C7: variants seen among roughly 807,000 people sequenced by gnomAD.
C7 encodes complement C7.
C7 carries 83 observed loss-of-function variants against 104.8 expected under a neutral mutation model. That is an observed-to-expected ratio of 0.79 (90% CI 0.66 to 0.95). C7 has a LOEUF of 0.95. Ranked by LOEUF, C7 falls within the 40% of genes least tolerant of loss-of-function variation. C7 has a pLI of 0.00. For missense variants in C7, 1,070 were observed against 1,011.2 expected, an observed-to-expected ratio of 1.06 and a Z score of -0.79; for synonymous variants, 415 against 360.6, an observed-to-expected ratio of 1.15 and a Z score of -1.71.
intron 9 of C7, among the ~76,000 whole-genome samples, chr5:40,951,134 A>G (rs1012062816): frequency 1.3e-5 from 2 of 152,192 alleles, no homozygotes; most frequent in African/African-American, 2.4e-5. Flanking sequence ...GGACCAAAAA[A>G]TGTTCACTGG....
chr5:40,951,113 A>G (rs1001564224), intron 9 of C7, among the ~76,000 whole-genome samples: 10 of 152,214 alleles, frequency 6.6e-5, no homozygotes, highest in African/African-American at 2.2e-4. Flanking sequence ...AGGTCAACAG[A>G]GTGAAGATAA....
rs182484604 is a variant in C7 at position 40,952,668 on chromosome 5, C to T, written c.1093+2654C>T. Among the ~76,000 whole-genome samples, 387 of 152,020 alleles carry T rather than the reference C, an allele frequency of 2.5e-3. 1 individual carries two copies. The highest frequency in any genetic ancestry group is 5.3e-3 in the African/African-American group (218 of 41,446). ...CCTCTCCCCACCCCACTACAGGCCC[C>T]GGTGTGTGATGTTCCCCTTCCTGTG... On this transcript the variant is annotated intron_variant, in intron 9 of 17. Coordinates refer to ENST00000313164, the MANE Select transcript of C7 (RefSeq NM_000587.4).
intron 8 of C7, 98 bp from the exon 9 acceptor site, chr5:40,949,806 A>C: frequency 1.4e-6 from 1 of 735,466 alleles, no homozygotes; most frequent in Non-Finnish European, 2.4e-6. Flanking sequence ...TTAGATGGCC[A>C]TAGTAGCAGC....
chr5:40,927,298 T>C (rs1177240182), intron 1 of C7, among the ~76,000 whole-genome samples: 1 of 151,892 alleles, frequency 6.6e-6, no homozygotes, highest in African/African-American at 2.4e-5. Context: ...AAAAATTAAT[T>C]GAAAAAAATC....
intron 1 of C7, among the ~76,000 whole-genome samples, chr5:40,916,705 A>AT (rs879430606): frequency 3.2e-4 from 49 of 151,304 alleles, no homozygotes; most frequent in Middle Eastern, 3.4e-3. Flanking sequence ...CCAAATTTTT[A>AT]TTTTTTTTTT....
rs1740269165 is a variant in C7, at chr5:40,955,465, T to C, written c.1172T>C (p.Leu391Pro). The change falls in exon 10 of 18, where the codon CTA becomes CCA. Residue 391 changes from leucine (L) to proline (P), a missense_variant. Leu to Pro is a moderately conservative substitution (Grantham distance 98). Coordinates refer to ENST00000313164, the MANE Select transcript of C7 (RefSeq NM_000587.4). ...GAGFISGLSY[L>P]ELDNPAGNKR... is the part of the protein sequence containing the mutation. ...GGCTTCATATCTGGCCTTAGTTACC[T>C]AGAGCTGGACAATCCTGCTGGAAAC... 2 of 1,613,406 alleles carry C rather than the reference T, an allele frequency of 1.2e-6. No individual in the cohort carries two copies. Among genetic ancestry groups the C allele is most frequent in the African/African-American group, 2.7e-5 (2 of 75,028 alleles).
intron 9 of C7, among the ~76,000 whole-genome samples, chr5:40,953,437 T>G (rs1184045282): frequency 6.6e-6 from 1 of 151,990 alleles, no homozygotes; most frequent in East Asian, 1.9e-4. Context: ...GGTTAAGAGA[T>G]CGAGACCATT....
At position 40,955,386 on chromosome 5, in the gene C7, G is replaced by A; in HGVS notation, c.1094-1G>A. On this transcript the variant is annotated splice_acceptor_variant, in intron 9 of 17. Transcript: ENST00000313164. LOFTEE classifies it high-confidence loss of function. ...CTTTTCATTTGCTTTCTTCTGTATA[G>A]GAACCCAGAACAATGTATTGCGAGG... 1 of 1,596,500 alleles carries A rather than the reference G, an allele frequency of 6.3e-7. No individual in the cohort carries two copies. Among genetic ancestry groups the A allele is most frequent in the Non-Finnish European group, 8.5e-7 (1 of 1,173,846 alleles).
chr5:40,937,415 C>G (rs1408528422), intron 5 of C7, 137 bp from the exon 6 acceptor site: 2 of 755,096 alleles, frequency 2.6e-6, no homozygotes, highest in East Asian at 5.5e-5. Context: ...CATTTGAACT[C>G]TCTCAAAGAA....
chr5:40,950,855 G>T (rs1161871736), intron 9 of C7, among the ~76,000 whole-genome samples: 1 of 152,172 alleles, frequency 6.6e-6, no homozygotes, highest in African/African-American at 2.4e-5. Flanking sequence ...GAGATGGGGG[G>T]AAGGTGGTAT....
At chr5:40,974,565 G>A (rs565261895) in intron 15 of C7, among the ~76,000 whole-genome samples, 2 of 151,900 alleles carry the variant, frequency 1.3e-5, no homozygotes, top group East Asian at 1.9e-4. Context: ...ACAGGTGCTC[G>A]CCACCATGCC....
intron 6 of C7, among the ~76,000 whole-genome samples, chr5:40,943,986 C>T (rs1437576092): frequency 1.3e-5 from 2 of 152,182 alleles, no homozygotes; most frequent in Non-Finnish European, 2.9e-5. Context: ...CATCTTCACA[C>T]TTATACCTGT....
At chr5:40,910,514 C>G (rs1739184841) in intron 1 of C7, among the ~76,000 whole-genome samples, 1 of 151,948 alleles carries the variant, frequency 6.6e-6, no homozygotes. Context: ...GCCATGCCTT[C>G]TGTGAAATTA....
intron 1 of C7, among the ~76,000 whole-genome samples, chr5:40,927,581 T>A (rs1324845893): frequency 6.6e-6 from 1 of 151,390 alleles, no homozygotes. Context: ...ATTGGCAAAA[T>A]ACCAGGAAAG....
At chr5:40,964,034 T>G (rs949992147) in intron 13 of C7, among the ~76,000 whole-genome samples, 6,190 of 127,252 alleles carry the variant, frequency 0.049, 539 homozygotes, top group African/African-American at 0.17. Context: ...TTTTTTTTTT[T>G]TTTTTTTTTT....
chr5:40,910,474 G>C (rs1230862686), intron 1 of C7, among the ~76,000 whole-genome samples: 2 of 152,164 alleles, frequency 1.3e-5, no homozygotes, highest in Non-Finnish European at 2.9e-5. Flanking sequence ...ATTGGGGTTA[G>C]AGGAGGAGCA....
intron 16 of C7, among the ~76,000 whole-genome samples, chr5:40,979,077 G>T (rs1345587444): frequency 6.6e-6 from 1 of 151,492 alleles, no homozygotes; most frequent in Non-Finnish European, 1.5e-5. Context: ...ATGGGGTTTC[G>T]CCATGTTAGC....
intron 1 of C7, chr5:40,911,218 T>C (rs1209698070): frequency 6.6e-6 from 1 of 152,222 alleles, no homozygotes; most frequent in African/African-American, 2.4e-5. Context: ...CTGAAGGACA[T>C]GCTTTGGTGA....
At chr5:40,952,638 TC>T (rs954679898) in intron 9 of C7, among the ~76,000 whole-genome samples, 1 of 151,814 alleles carries the variant, frequency 6.6e-6, no homozygotes, top group African/African-American at 2.4e-5. Flanking sequence ...ATGCTATCCC[TC>T]CCCCCTCTCC....
Sources: gnomAD v4.1 joint callset for allele counts (sites outside exome capture counted in the v4.1 genomes callset) on GRCh38, gnomAD v4.1.1 for gene constraint, MANE v1.5 for transcripts, NCBI Gene and HGNC (gene_info 2026-07-23, HGNC 2026-07-21) for gene names.